ATP8A2: variants seen among roughly 807,000 people sequenced by gnomAD.
The protein encoded by ATP8A2 is ATPase phospholipid transporting 8A2, also known as phospholipid-transporting ATPase IB.
A neutral mutation model predicts 165.6 loss-of-function variants in ATP8A2; 100 were observed. The ratio of observed to expected loss-of-function variants is 0.60; its 90% CI spans 0.51 to 0.71. The LOEUF (loss-of-function observed/expected upper bound fraction) is 0.71. ATP8A2 is among the 30% of genes least tolerant of loss of function. The pLI is 0.00. For missense variants in ATP8A2, 1,227 were observed against 1,479.5 expected, an observed-to-expected ratio of 0.83 and a Z score of 2.80; for synonymous variants, 543 against 548.8, an observed-to-expected ratio of 0.99 and a Z score of 0.15.
chr13:25,837,231 C>G lies in ATP8A2; in HGVS notation c.2823C>G (p.Leu941=), dbSNP rs1410926139. 6.2e-7 allele frequency: 1 copy of G among 1,614,064 alleles called. No individual in the cohort carries two copies. The change falls in exon 29 of 37, where the codon CTC becomes CTG. Residue 941 remains leucine (L), a synonymous_variant. Coordinates refer to ENST00000381655, the MANE Select transcript of ATP8A2 (RefSeq NM_016529.6). ...GGTCTTGCACTCAGGAGAGCATGCT[C>G]AGGTTTCCCCAGCTCTACAAAATCA... ...FERSCTQESM[L]RFPQLYKITQ...
chr13:25,500,159 A>G (rs1764650), intron 2 of ATP8A2, among the ~76,000 whole-genome samples: 149,231 of 152,256 alleles, frequency 0.98, 73,148 homozygotes, highest in East Asian at 0.99. Context: ...TTGAAGTATG[A>G]TACAGATCAC....
At chr13:25,903,414 T>C (rs1332606967) in intron 33 of ATP8A2, among the ~76,000 whole-genome samples, 1 of 152,184 alleles carries the variant, frequency 6.6e-6, no homozygotes, top group Non-Finnish European at 1.5e-5. Flanking sequence ...TAACCCCACC[T>C]GGTCTCCCAT....
chr13:25,450,820 C>T (rs532155854), intron 1 of ATP8A2, among the ~76,000 whole-genome samples: 1 of 152,128 alleles, frequency 6.6e-6, no homozygotes, highest in African/African-American at 2.4e-5. Context: ...CTTGAGCCAC[C>T]GCGCCCAGCC....
intron 25 of ATP8A2, among the ~76,000 whole-genome samples, chr13:25,710,720 C>T (rs936294328): frequency 6.6e-6 from 1 of 152,144 alleles, no homozygotes; most frequent in Non-Finnish European, 1.5e-5. Context: ...GAAGGCCAGT[C>T]TGGTTATGAC....
At chr13:25,649,480 A>G (rs4284500) in intron 24 of ATP8A2, among the ~76,000 whole-genome samples, 118,759 of 152,126 alleles carry the variant, frequency 0.78, 47,685 homozygotes, top group Middle Eastern at 0.89. Flanking sequence ...TATGCACAAT[A>G]GAAATGCATG....
rs190834950 is a variant in ATP8A2 at position 25,762,614 on chromosome 13, G to A, written c.2385-6432G>A. On this transcript the variant is annotated intron_variant, in intron 25 of 36. Coordinates refer to ENST00000381655, the MANE Select transcript of ATP8A2 (RefSeq NM_016529.6). ...TAGAACTGTATTTTTTTTCTATTAC[G>A]CTTAATTATGGGTGGAGATGTAGCT... Among the ~76,000 whole-genome samples, 189 of 151,990 alleles carry A rather than the reference G, an allele frequency of 1.2e-3. 1 individual carries two copies. Among genetic ancestry groups the A allele is most frequent in the African/African-American group, 4.3e-3 (179 of 41,484 alleles).
chr13:25,940,129 C>T (rs1170131678), intron 33 of ATP8A2, among the ~76,000 whole-genome samples: 1 of 152,138 alleles, frequency 6.6e-6, no homozygotes, highest in Non-Finnish European at 1.5e-5. Flanking sequence ...CCTTTGCTGA[C>T]TTCCCGTGCC....
intron 35 of ATP8A2, among the ~76,000 whole-genome samples, chr13:26,002,162 CTTAG>C (rs1238182525): frequency 2.0e-5 from 3 of 152,184 alleles, no homozygotes; most frequent in African/African-American, 7.2e-5. Flanking sequence ...GAAATTTACT[CTTAG>C]TTATTCTGAA....
chr13:25,426,580 A>T (rs1593291041), intron 1 of ATP8A2, among the ~76,000 whole-genome samples: 1 of 152,308 alleles, frequency 6.6e-6, no homozygotes, highest in East Asian at 1.9e-4. Context: ...ACATGTCATT[A>T]TACACTTGTC....
intron 25 of ATP8A2, among the ~76,000 whole-genome samples, chr13:25,707,919 T>C (rs1175171577): frequency 6.6e-6 from 1 of 152,188 alleles, no homozygotes; most frequent in Non-Finnish European, 1.5e-5. Flanking sequence ...CTAAGAACTA[T>C]GGTAATAGGG....
At chr13:25,459,418 T>C (rs1467708666) in intron 1 of ATP8A2, among the ~76,000 whole-genome samples, 2 of 152,206 alleles carry the variant, frequency 1.3e-5, no homozygotes, top group Non-Finnish European at 2.9e-5. Flanking sequence ...TCGTCAAACA[T>C]GTTTACTGAA....
At chr13:26,003,048 G>T (rs1475435110) in intron 35 of ATP8A2, among the ~76,000 whole-genome samples, 1 of 152,066 alleles carries the variant, frequency 6.6e-6, no homozygotes, top group Non-Finnish European at 1.5e-5. Context: ...ATACCCAGAA[G>T]TGAGATTGCT....
intron 25 of ATP8A2, among the ~76,000 whole-genome samples, chr13:25,765,701 T>C (rs931068542): frequency 6.6e-6 from 1 of 152,194 alleles, no homozygotes; most frequent in Non-Finnish European, 1.5e-5. Context: ...TGGATGTTCA[T>C]AGATTGTACT....
At chr13:25,631,692 A>G (rs1056120648) in intron 24 of ATP8A2, among the ~76,000 whole-genome samples, 3 of 152,126 alleles carry the variant, frequency 2.0e-5, no homozygotes, top group South Asian at 2.1e-4. Flanking sequence ...TTAGTGACCC[A>G]TGGAATATCA....
chr13:25,409,904 AG>A (rs1415161961), intron 1 of ATP8A2, among the ~76,000 whole-genome samples: 3 of 152,088 alleles, frequency 2.0e-5, no homozygotes, highest in Non-Finnish European at 4.4e-5. Flanking sequence ...TTGCACTCAC[AG>A]TTATGTGTGC....
At chr13:25,932,429 A>G (rs553476079) in intron 33 of ATP8A2, among the ~76,000 whole-genome samples, 14 of 152,324 alleles carry the variant, frequency 9.2e-5, no homozygotes, top group Admixed American at 8.5e-4. Context: ...GAAAATAAAC[A>G]GGAAAATTTC....
At chr13:25,389,847 A>G (rs1266541950) in intron 1 of ATP8A2, among the ~76,000 whole-genome samples, 1 of 152,234 alleles carries the variant, frequency 6.6e-6, no homozygotes, top group Non-Finnish European at 1.5e-5. Context: ...GCGATGTCCA[A>G]GGCAATACTA....
intron 18 of ATP8A2, 177 bp downstream of exon 18, chr13:25,571,869 C>A: frequency 1.5e-6 from 1 of 677,034 alleles, no homozygotes; most frequent in Non-Finnish European, 2.7e-6. Flanking sequence ...TTTTGCATTG[C>A]AGTATTGTTT....
chr13:25,654,526 C>T (rs1242958954), intron 24 of ATP8A2, among the ~76,000 whole-genome samples: 1 of 152,094 alleles, frequency 6.6e-6, no homozygotes, highest in Non-Finnish European at 1.5e-5. Flanking sequence ...GTTTTGAAGA[C>T]AGTTGTTATG....
Sources: allele counts gnomAD v4.1 joint callset (sites outside exome capture counted in the v4.1 genomes callset), GRCh38; gene constraint gnomAD v4.1.1; transcripts MANE v1.5; gene names NCBI Gene and HGNC (gene_info 2026-07-23, HGNC 2026-07-21).